The following NEK7 variants were observed in gnomAD, a reference collection of about 807,000 sequenced individuals.
NEK7 encodes the protein serine/threonine-protein kinase Nek7.
Under a neutral mutation model 44.6 loss-of-function variants are expected in NEK7, and 18 were observed. The ratio of observed to expected loss-of-function variants is 0.40; its 90% CI spans 0.28 to 0.60. The LOEUF (loss-of-function observed/expected upper bound fraction) is 0.60, where lower values mean the gene tolerates loss of function less well. Ranked by LOEUF, NEK7 falls within the 20% of genes least tolerant of loss-of-function variation. The pLI, the probability that NEK7 is intolerant of heterozygous loss-of-function variation, is 0.38. For missense variants in NEK7, 256 were observed against 366.5 expected (o/e 0.70, Z 2.46); for synonymous variants, 130 against 121.1 (o/e 1.07, Z -0.48).
chr1:198,316,446 G>C (rs1655369480), intron 9 of NEK7, among the ~76,000 whole-genome samples: 1 of 152,260 alleles, frequency 6.6e-6, no homozygotes. Flanking sequence ...AGCTGTGTGG[G>C]TATCGATACC....
intron 9 of NEK7, among the ~76,000 whole-genome samples, chr1:198,316,649 TTCTG>T (rs1226494606): frequency 6.6e-6 from 1 of 152,352 alleles, no homozygotes; most frequent in African/African-American, 2.4e-5. Context: ...TGTTTCTTTG[TTCTG>T]TCTATCTTCC....
chr1:198,309,960 G>T (rs1655125716), intron 9 of NEK7, among the ~76,000 whole-genome samples: 1 of 152,042 alleles, frequency 6.6e-6, no homozygotes, highest in African/African-American at 2.4e-5. Flanking sequence ...TATATACCCA[G>T]TAATGGGATG....
intron 3 of NEK7, among the ~76,000 whole-genome samples, chr1:198,253,509 C>A (rs1436062444): frequency 6.6e-6 from 1 of 152,050 alleles, no homozygotes; most frequent in Admixed American, 6.6e-5. Flanking sequence ...AGTTCTACAG[C>A]TATAGGCACT....
intron 1 of NEK7, among the ~76,000 whole-genome samples, chr1:198,216,469 T>C (rs527272020): frequency 2.1e-4 from 32 of 152,010 alleles, no homozygotes; most frequent in Non-Finnish European, 4.1e-4. Flanking sequence ...TAAATATCTA[T>C]ATCAAAAAGT....
chr1:198,206,148 T>G (rs888494286), intron 1 of NEK7, among the ~76,000 whole-genome samples: 1 of 152,070 alleles, frequency 6.6e-6, no homozygotes, highest in African/African-American at 2.4e-5. Flanking sequence ...GCAGTTTAAG[T>G]TAAAAAAAAA....
intron 7 of NEK7, among the ~76,000 whole-genome samples, chr1:198,291,534 A>G (rs1424225910): frequency 6.6e-6 from 1 of 152,198 alleles, no homozygotes; most frequent in Non-Finnish European, 1.5e-5. Context: ...TTGTCTTCAA[A>G]GTAAATGCTA....
chr1:198,232,683 T>C lies in NEK7; in HGVS notation c.57+46T>C, dbSNP rs1349634321. 2.7e-6 allele frequency: 3 copies of C among 1,107,124 alleles called. No homozygotes were observed. In the African/African-American group the frequency reaches 4.7e-5, roughly 17 times the overall value. The allele number at this position is 1,107,124 out of a possible 1,614,324, so 68.6% of individuals were successfully genotyped here. ...TGGGCAGAACTATATATAATCTGTG[T>C]TAAATATGTGTAAGAAAGTAGTACA... On this transcript the variant is annotated intron_variant, in intron 2 of 9. Coordinates refer to ENST00000367385, the MANE Select transcript of NEK7 (RefSeq NM_133494.3).
intron 1 of NEK7, among the ~76,000 whole-genome samples, chr1:198,209,591 T>C (rs1665705428): frequency 6.6e-6 from 1 of 152,172 alleles, no homozygotes; most frequent in Non-Finnish European, 1.5e-5. Context: ...TAGTTTTTCA[T>C]TTCACATTAT....
chr1:198,316,647 T>G (rs1655377724), intron 9 of NEK7, among the ~76,000 whole-genome samples: 1 of 152,268 alleles, frequency 6.6e-6, no homozygotes, highest in South Asian at 2.1e-4. Context: ...TTTGTTTCTT[T>G]GTTCTGTCTA....
At chr1:198,249,492 T>C (rs1250437167) in intron 2 of NEK7, among the ~76,000 whole-genome samples, 7 of 152,032 alleles carry the variant, frequency 4.6e-5, no homozygotes, top group Admixed American at 4.6e-4. Context: ...GTTGAACTAG[T>C]TTATAGTCCC....
At chr1:198,259,826 C>CAT (rs756434289) in intron 3 of NEK7, among the ~76,000 whole-genome samples, 9 of 151,938 alleles carry the variant, frequency 5.9e-5, no homozygotes, top group African/African-American at 1.9e-4. Context: ...CACACACACA[C>CAT]ATATATATTT....
intron 2 of NEK7, among the ~76,000 whole-genome samples, chr1:198,250,291 T>C (rs1202809718): frequency 1.3e-5 from 2 of 149,854 alleles, no homozygotes; most frequent in Admixed American, 6.7e-5. Context: ...AGCCTTGTAG[T>C]ATAGTTTGAA....
At chr1:198,245,642 C>A (rs1007040169) in intron 2 of NEK7, among the ~76,000 whole-genome samples, 1 of 152,154 alleles carries the variant, frequency 6.6e-6, no homozygotes, top group South Asian at 2.1e-4. Context: ...TAGCGAGGTG[C>A]AAAATTGACT....
At chr1:198,190,804 T>C (rs1429909071) in intron 1 of NEK7, among the ~76,000 whole-genome samples, 1 of 152,042 alleles carries the variant, frequency 6.6e-6, no homozygotes, top group Non-Finnish European at 1.5e-5. Context: ...TTTTTTTGTT[T>C]TATTTCCAAC....
At chr1:198,262,385 C>T (rs1004229341) in intron 3 of NEK7, among the ~76,000 whole-genome samples, 190 bp from the exon 4 acceptor site, 1 of 151,824 alleles carries the variant, frequency 6.6e-6, no homozygotes, top group African/African-American at 2.4e-5. Context: ...TTTTTAAATA[C>T]TGACTGCTGA....
At position 198,175,803 on chromosome 1, in the gene NEK7, A is replaced by G. The variant is rs115997794; in HGVS notation, c.-29+18527A>G. Among the ~76,000 whole-genome samples, 916 of 152,212 alleles carry G rather than the reference A, an allele frequency of 6.0e-3. 5 individuals are homozygous for G. The highest frequency in any genetic ancestry group is 0.017 in the Middle Eastern group (5 of 294). ...TATCATTTGTCTTTCACATGCTTGT[A>G]GGGAAACTCTTCGGTAAAGATAAGC... On this transcript the variant is annotated intron_variant, in intron 1 of 9. Transcript: ENST00000367385.
chr1:198,305,826 G>A (rs1316306399), intron 9 of NEK7, among the ~76,000 whole-genome samples: 2 of 152,128 alleles, frequency 1.3e-5, no homozygotes, highest in East Asian at 3.9e-4. Flanking sequence ...ATTAATTTTA[G>A]AAACCCGAGG....
intron 9 of NEK7, among the ~76,000 whole-genome samples, chr1:198,313,099 G>A (rs528846302): frequency 6.6e-6 from 1 of 151,062 alleles, no homozygotes; most frequent in South Asian, 2.1e-4. Context: ...TCACTCAGGA[G>A]TTGCTTTATG....
intron 9 of NEK7, among the ~76,000 whole-genome samples, chr1:198,315,564 G>C (rs1655343666): frequency 6.6e-6 from 1 of 152,170 alleles, no homozygotes; most frequent in Non-Finnish European, 1.5e-5. Flanking sequence ...TAGAGAAATA[G>C]GAAGACAACT....
Sources: gnomAD v4.1 joint callset for allele counts (sites outside exome capture counted in the v4.1 genomes callset) on GRCh38, gnomAD v4.1.1 for gene constraint, MANE v1.5 for transcripts, NCBI Gene and HGNC (gene_info 2026-07-23, HGNC 2026-07-21) for gene names.